PRKN: variants seen among roughly 807,000 people sequenced by gnomAD.
PRKN encodes the protein parkin RBR E3 ubiquitin protein ligase, also known as E3 ubiquitin-protein ligase parkin.
In PRKN, 56 loss-of-function variants were observed where a neutral mutation model predicts 59.5. That is an observed-to-expected ratio of 0.94 (90% CI 0.76 to 1.18). PRKN has a LOEUF of 1.18. Among genes scored for constraint, PRKN ranks in the 50% most tolerant of loss-of-function variants. The pLI is 0.00. For synonymous variants in PRKN, 250 were observed against 222.1 expected (o/e 1.13, Z -1.12); for missense variants, 657 against 596.4 (o/e 1.10, Z -1.06).
chr6:161,846,989 CAG>C (rs1378779249), intron 6 of PRKN, among the ~76,000 whole-genome samples: 1 of 152,104 alleles, frequency 6.6e-6, no homozygotes, highest in Non-Finnish European at 1.5e-5. Context: ...TTAATCTCAT[CAG>C]AGAGAGGCCC....
chr6:162,663,726 T>C (rs566705527), intron 1 of PRKN, among the ~76,000 whole-genome samples: 257 of 151,910 alleles, frequency 1.7e-3, no homozygotes, highest in Non-Finnish European at 2.3e-3. Context: ...AAAGAGAAGA[T>C]AGAATTGAAA....
At chr6:161,850,428 A>AT (rs1347386631) in intron 6 of PRKN, among the ~76,000 whole-genome samples, 6 of 152,096 alleles carry the variant, frequency 3.9e-5, no homozygotes, top group Admixed American at 1.3e-4. Context: ...AAATACAAAA[A>AT]TTAGCTGGGT....
chr6:162,627,708 C>G (rs1782950728), intron 1 of PRKN, among the ~76,000 whole-genome samples: 1 of 152,042 alleles, frequency 6.6e-6, no homozygotes, highest in South Asian at 2.1e-4. Context: ...TGGAGAGACA[C>G]AAGAATCTGC....
intron 1 of PRKN, among the ~76,000 whole-genome samples, chr6:162,456,573 G>A (rs750937025): frequency 1.4e-4 from 22 of 152,102 alleles, no homozygotes; most frequent in Non-Finnish European, 2.8e-4. Flanking sequence ...ACAAAAAATA[G>A]TTGATTCTTG....
At chr6:161,736,075 T>C (rs1787953068) in intron 7 of PRKN, among the ~76,000 whole-genome samples, 1 of 152,192 alleles carries the variant, frequency 6.6e-6, no homozygotes. Flanking sequence ...AAAACAAATG[T>C]CTCTGTTCAT....
intron 1 of PRKN, among the ~76,000 whole-genome samples, chr6:162,458,215 C>T (rs1790986156): frequency 7.6e-6 from 1 of 130,772 alleles, no homozygotes. Context: ...AAGATCGCTC[C>T]ACTGCACTCC....
Position 161,373,878 on chromosome 6 carries a change from A to C in PRKN, c.1167+12916T>G, listed in dbSNP as rs958305158. ...TTTCAAATCTGCACACCTCTCAGAA[A>C]TGCTCCTCCTGGGGACACAGTCCTT... On this transcript the variant is annotated intron_variant, in intron 10 of 11. Coordinates refer to ENST00000366898, the MANE Select transcript of PRKN (RefSeq NM_004562.3). The surrounding 1 kb of genome is among the most constrained non-coding windows in gnomAD (Gnocchi z 4.8). 6.6e-6 allele frequency among the ~76,000 whole-genome samples: 1 copy of C among 152,134 alleles called. No homozygotes were observed. Among genetic ancestry groups the C allele is most frequent in the African/African-American group, 2.4e-5 (1 of 41,430 alleles).
At chr6:161,682,720 G>A (rs1195733207) in intron 7 of PRKN, among the ~76,000 whole-genome samples, 1 of 152,174 alleles carries the variant, frequency 6.6e-6, no homozygotes, top group Non-Finnish European at 1.5e-5. Flanking sequence ...GGCAACATGG[G>A]AGGGAGCAGA....
intron 4 of PRKN, among the ~76,000 whole-genome samples, chr6:162,165,965 T>C (rs1338853225): frequency 6.7e-6 from 1 of 148,510 alleles, no homozygotes; most frequent in Non-Finnish European, 1.5e-5. Context: ...GGAGAACTGC[T>C]TGAACCCAGG....
chr6:161,937,365 T>C (rs1390957749), intron 6 of PRKN, among the ~76,000 whole-genome samples: 2 of 152,236 alleles, frequency 1.3e-5, no homozygotes, highest in Non-Finnish European at 2.9e-5. Context: ...TCAACTCATA[T>C]ACAACAGAAA....
chr6:161,574,332 C>A (rs1781050664), intron 7 of PRKN, among the ~76,000 whole-genome samples: 1 of 152,144 alleles, frequency 6.6e-6, no homozygotes, highest in East Asian at 1.9e-4. Context: ...AAAACATGGG[C>A]CTGGCGAATA....
intron 9 of PRKN, among the ~76,000 whole-genome samples, chr6:161,443,026 G>T (rs1789314614): frequency 6.6e-6 from 1 of 152,062 alleles, no homozygotes; most frequent in Admixed American, 6.6e-5. Flanking sequence ...CAGGGAGCGA[G>T]GCCGGGCGCG....
At chr6:162,463,718 A>T (rs952562949) in intron 1 of PRKN, among the ~76,000 whole-genome samples, 6 of 152,266 alleles carry the variant, frequency 3.9e-5, no homozygotes, top group Non-Finnish European at 7.4e-5. Flanking sequence ...TGTTTGGTTC[A>T]CAAGTGTGTG....
At chr6:162,385,707 G>A (rs1312469016) in intron 2 of PRKN, among the ~76,000 whole-genome samples, 4 of 152,058 alleles carry the variant, frequency 2.6e-5, no homozygotes, top group African/African-American at 9.7e-5. Context: ...GGGAGGGAAA[G>A]TTTATTACCT....
chr6:161,554,403 T>TATACACAC lies in PRKN; in HGVS notation c.934-5401_934-5400insGTGTGTAT, dbSNP rs1554275646. On this transcript the variant is annotated intron_variant, in intron 8 of 11. Transcript: ENST00000366898. The surrounding 1 kb of genome is among the most constrained non-coding windows in gnomAD (Gnocchi z 4.5). Reference sequence around the variant, plus strand: ...TAACCTTCATGTTATCTTACTTCTATACACACACACACACACACACACACA... The same window carrying TATACACAC: ...TAACCTTCATGTTATCTTACTTCTATATACACACACACACACACACACACACACACACA... 6.8e-6 allele frequency among the ~76,000 whole-genome samples: 1 copy of TATACACAC among 146,990 alleles called. No homozygotes were observed. The highest frequency in any genetic ancestry group is 1.5e-5 in the Non-Finnish European group (1 of 66,882).
Position 161,385,844 on chromosome 6 carries a change from C to T in PRKN, c.1167+950G>A, listed in dbSNP as rs551951538. On this transcript the variant is annotated intron_variant, in intron 10 of 11. Transcript: ENST00000366898. The surrounding 1 kb of genome is among the most constrained non-coding windows in gnomAD (Gnocchi z 4.9). ...TGCCTGGGCTATGGAAATGGCAACT[C>T]AGTCCTAAATCCACTCATATGCTCA... is the stretch of plus-strand genomic sequence containing the variant. Among the ~76,000 whole-genome samples the T allele has an allele frequency of 6.6e-6, 1 of 152,238 alleles. No homozygotes were observed. Among genetic ancestry groups the T allele is most frequent in the Admixed American group, 6.5e-5 (1 of 15,284 alleles).
chr6:162,295,508 C>A (rs1781630041), intron 2 of PRKN, among the ~76,000 whole-genome samples: 1 of 152,156 alleles, frequency 6.6e-6, no homozygotes, highest in Non-Finnish European at 1.5e-5. Context: ...CACACACATG[C>A]GTCTCCCCTC....
chr6:162,207,706 C>A (rs115905289), intron 3 of PRKN, among the ~76,000 whole-genome samples: 1 of 152,142 alleles, frequency 6.6e-6, no homozygotes, highest in Non-Finnish European at 1.5e-5. Flanking sequence ...GCCCTCAATG[C>A]GCTCACCTTG....
chr6:162,647,865 A>T (rs1778247893), intron 1 of PRKN, among the ~76,000 whole-genome samples: 1 of 148,288 alleles, frequency 6.7e-6, no homozygotes, highest in African/African-American at 2.5e-5. Flanking sequence ...CAAACAATGA[A>T]GAAGTACTTT....
Sources: gnomAD v4.1 joint callset for allele counts (sites outside exome capture counted in the v4.1 genomes callset) on GRCh38, gnomAD v4.1.1 for gene constraint, Gnocchi (gnomAD v3.1) non-coding constraint, MANE v1.5 for transcripts, NCBI Gene and HGNC (gene_info 2026-07-23, HGNC 2026-07-21) for gene names.